Variants in NAALADL2 observed in about 807,000 individuals in gnomAD.
NAALADL2 encodes N-acetylated alpha-linked acidic dipeptidase like 2.
A neutral mutation model predicts 87.2 loss-of-function variants in NAALADL2; 76 were observed. The ratio of observed to expected loss-of-function variants is 0.87; its 90% CI spans 0.72 to 1.05. NAALADL2 has a LOEUF of 1.05. Among genes scored for constraint, NAALADL2 ranks in the 50% least tolerant of loss-of-function variants. The pLI is 0.00. For missense variants in NAALADL2, 1,089 were observed against 945.8 expected (o/e 1.15, Z -1.99); for synonymous variants, 354 against 331.0 (o/e 1.07, Z -0.75).
chr3:175,369,279 A>C (rs563923088), intron 5 of NAALADL2, among the ~76,000 whole-genome samples: 1 of 152,220 alleles, frequency 6.6e-6, no homozygotes, highest in East Asian at 1.9e-4. Flanking sequence ...TTACATTTAC[A>C]TACACCTGAT....
chr3:175,166,574 T>C (rs993904052), intron 2 of NAALADL2, among the ~76,000 whole-genome samples: 1 of 151,868 alleles, frequency 6.6e-6, no homozygotes, highest in African/African-American at 2.4e-5. Context: ...CACATTTTTT[T>C]TTTATTGTGG....
chr3:175,395,351 A>G (rs1769640498), intron 5 of NAALADL2, among the ~76,000 whole-genome samples: 2 of 152,164 alleles, frequency 1.3e-5, no homozygotes, highest in Non-Finnish European at 2.9e-5. Context: ...ACTGAATCTG[A>G]GGAAAACTAA....
chr3:174,915,465 G>A (rs1227563863), intron 1 of NAALADL2, among the ~76,000 whole-genome samples: 1 of 152,068 alleles, frequency 6.6e-6, no homozygotes, highest in Non-Finnish European at 1.5e-5. Flanking sequence ...CAACTTCATA[G>A]AACTATTATC....
intron 10 of NAALADL2, among the ~76,000 whole-genome samples, chr3:175,621,583 G>C (rs1726239613): frequency 6.6e-6 from 1 of 152,110 alleles, no homozygotes; most frequent in Admixed American, 6.5e-5. Flanking sequence ...ATTTCTGCAA[G>C]TTCTGCATCC....
At chr3:175,144,517 T>C (rs1730481790) in intron 2 of NAALADL2, among the ~76,000 whole-genome samples, 1 of 151,962 alleles carries the variant, frequency 6.6e-6, no homozygotes, top group South Asian at 2.1e-4. Context: ...TGAGAAAATA[T>C]ACAGAAAGAG....
At chr3:174,821,300 G>C (rs1024283294) in intron 3 of NAALADL2, among the ~76,000 whole-genome samples, 1 of 151,658 alleles carries the variant, frequency 6.6e-6, no homozygotes, top group East Asian at 1.9e-4. Flanking sequence ...ATACTAATAC[G>C]GATGACAATA....
At chr3:175,218,862 A>G (rs941043283) in intron 2 of NAALADL2, among the ~76,000 whole-genome samples, 6 of 151,360 alleles carry the variant, frequency 4.0e-5, no homozygotes, top group Non-Finnish European at 5.9e-5. Context: ...CTGGAGTGCA[A>G]TCGCGCAATC....
intron 12 of NAALADL2, among the ~76,000 whole-genome samples, chr3:175,745,821 C>T (rs560807222): frequency 2.0e-4 from 31 of 152,138 alleles, no homozygotes; most frequent in Non-Finnish European, 4.3e-4. Flanking sequence ...TTTGATGCTC[C>T]TCACCTTACC....
At chr3:175,750,312 A>G (rs1746473631) in intron 12 of NAALADL2, among the ~76,000 whole-genome samples, 1 of 152,176 alleles carries the variant, frequency 6.6e-6, no homozygotes, top group African/African-American at 2.4e-5. Flanking sequence ...TGTTTTCCCC[A>G]GAACATCTTA....
chr3:174,729,859 A>G (rs1732544908), intron 2 of NAALADL2, among the ~76,000 whole-genome samples: 1 of 151,940 alleles, frequency 6.6e-6, no homozygotes, highest in Non-Finnish European at 1.5e-5. Flanking sequence ...AATCATGGCA[A>G]TTAGATATGC....
rs140551356 is a variant in NAALADL2, at chr3:175,268,159, A to C, written c.939+11629A>C. 5.8e-3 allele frequency among the ~76,000 whole-genome samples: 887 copies of C among 152,252 alleles called. 20 individuals are homozygous for C. Among genetic ancestry groups the C allele is most frequent in the African/African-American group, 0.02 (840 of 41,542 alleles). ...TGTGCTGGTATCATGGAGTGTACTT[A>C]GACAAACTTAGATGGTGTAGCCTAC... On this transcript the variant is annotated intron_variant, in intron 4 of 13. Transcript: ENST00000454872.
intron 5 of NAALADL2, among the ~76,000 whole-genome samples, chr3:175,415,057 A>T (rs550697035): frequency 6.6e-6 from 1 of 152,260 alleles, no homozygotes; most frequent in Admixed American, 6.5e-5. Flanking sequence ...TTCCCTTTTG[A>T]CTTTTCTGTC....
chr3:175,452,147 A>G (rs1396764003), intron 6 of NAALADL2, among the ~76,000 whole-genome samples: 9 of 152,168 alleles, frequency 5.9e-5, no homozygotes, highest in African/African-American at 1.4e-4. Context: ...AAACTAATCA[A>G]TGTGTTCAGA....
intron 13 of NAALADL2, among the ~76,000 whole-genome samples, chr3:175,793,594 C>T (rs1462615340): frequency 2.6e-5 from 4 of 151,916 alleles, no homozygotes; most frequent in African/African-American, 4.8e-5. Flanking sequence ...GGATTACAGG[C>T]GTGAGCCACT....
At chr3:174,852,426 A>G (rs1725353013) in intron 3 of NAALADL2, among the ~76,000 whole-genome samples, 1 of 152,124 alleles carries the variant, frequency 6.6e-6, no homozygotes, top group Non-Finnish European at 1.5e-5. Context: ...TCAACAATAA[A>G]CTATCTAAAA....
intron 11 of NAALADL2, among the ~76,000 whole-genome samples, chr3:175,635,137 T>A (rs1233422781): frequency 1.3e-5 from 2 of 152,088 alleles, no homozygotes; most frequent in South Asian, 2.1e-4. Flanking sequence ...GTATTTTCTC[T>A]TGCCTAGAGA....
At chr3:175,773,788 G>C (rs1350646141) in intron 13 of NAALADL2, 1 of 152,036 alleles carries the variant, frequency 6.6e-6, no homozygotes, top group Admixed American at 6.6e-5. Flanking sequence ...TAAAAAATAT[G>C]GCAGTAAACA....
intron 4 of NAALADL2, among the ~76,000 whole-genome samples, chr3:175,269,164 C>T (rs1352114155): frequency 6.6e-6 from 1 of 151,964 alleles, no homozygotes; most frequent in Non-Finnish European, 1.5e-5. Flanking sequence ...GTCTTGAACT[C>T]CTAGCCTCAA....
chr3:174,474,232 A>G (rs1464294150), intron 1 of NAALADL2, among the ~76,000 whole-genome samples: 1 of 152,190 alleles, frequency 6.6e-6, no homozygotes, highest in East Asian at 1.9e-4. Context: ...ACTGAATTTA[A>G]CATATTTCTA....
Sources: gnomAD v4.1 joint callset for allele counts (sites outside exome capture counted in the v4.1 genomes callset) on GRCh38, gnomAD v4.1.1 for gene constraint, MANE v1.5 for transcripts, NCBI Gene and HGNC (gene_info 2026-07-23, HGNC 2026-07-21) for gene names.